The following VWF variants were observed in gnomAD, a reference collection of about 807,000 sequenced individuals.
The protein encoded by VWF is von Willebrand factor.
A neutral mutation model predicts 308.6 loss-of-function variants in VWF; 176 were observed. That is an observed-to-expected ratio of 0.57 (90% confidence interval 0.50 to 0.65). The LOEUF (loss-of-function observed/expected upper bound fraction) is 0.65, where lower values mean the gene tolerates loss of function less well. VWF is among the 30% of genes least tolerant of loss of function. VWF has a pLI of 0.00. For synonymous variants in VWF, 1,385 were observed against 1,443.4 expected (o/e 0.96, Z 0.92); for missense variants, 3,146 against 3,648.2 (o/e 0.86, Z 3.55).
intron 5 of VWF, among the ~76,000 whole-genome samples, chr12:6,108,587 T>TA (rs1193581616): frequency 0.028 from 3,363 of 120,246 alleles, 65 homozygotes; most frequent in African/African-American, 0.061. Context: ...AGAACACTTG[T>TA]AAAAAAAAAA....
chr12:6,059,659 TC>T (rs1419397954), intron 13 of VWF, among the ~76,000 whole-genome samples: 1 of 152,082 alleles, frequency 6.6e-6, no homozygotes, highest in East Asian at 1.9e-4. Context: ...GGCACAAATC[TC>T]ATTCTTCATC....
intron 34 of VWF, among the ~76,000 whole-genome samples, chr12:5,999,397 C>T (rs753613091): frequency 2.6e-5 from 4 of 151,466 alleles, no homozygotes; most frequent in South Asian, 2.1e-4. Flanking sequence ...ATAAAGCAAA[C>T]GGGAAAGTCA....
intron 34 of VWF, among the ~76,000 whole-genome samples, chr12:6,006,576 G>T (rs544535114): frequency 6.6e-6 from 1 of 152,086 alleles, no homozygotes; most frequent in African/African-American, 2.4e-5. Context: ...TCAGGAGATC[G>T]AGACCATCCT....
In VWF at chr12:6,075,283, G is replaced by C; in HGVS notation, c.874+52C>G. ...GAAGCACCCTAAGGGACACCACCCA[G>C]GACAGACCGTTCATCCCCGGCAGGG... On this transcript the variant is annotated intron_variant, in intron 7 of 51. Coordinates refer to ENST00000261405, the MANE Select transcript of VWF (RefSeq NM_000552.5). The surrounding 1 kb of genome is among the most constrained non-coding windows in gnomAD (Gnocchi z 4.7). 6.2e-7 allele frequency: 1 copy of C among 1,611,050 alleles called. No homozygotes were observed. The highest frequency in any genetic ancestry group is 8.5e-7 in the Non-Finnish European group (1 of 1,178,366).
chr12:5,983,992 A>G (rs895206043), intron 40 of VWF, among the ~76,000 whole-genome samples: 2 of 112,518 alleles, frequency 1.8e-5, no homozygotes, highest in Admixed American at 1.8e-4. Flanking sequence ...AGATAGATAG[A>G]TAGATAGATA....
In VWF at chr12:5,959,047, C is replaced by T. The variant is rs560635792; in HGVS notation, c.7888-5453G>A. On this transcript the variant is annotated intron_variant, in intron 47 of 51. Coordinates refer to ENST00000261405, the MANE Select transcript of VWF (RefSeq NM_000552.5). ...CCTGGGCAACATAGCAAAACTCCAT[C>T]TCCACAAAAATTAGTTGGACATGGT... Among the ~76,000 whole-genome samples, 21 of 152,016 alleles carry T rather than the reference C, an allele frequency of 1.4e-4. No individual in the cohort carries two copies. The South Asian group carries it at 2.5e-3, about 18-fold the overall frequency.
At chr12:6,005,712 A>G (rs1043297627) in intron 34 of VWF, among the ~76,000 whole-genome samples, 4 of 152,216 alleles carry the variant, frequency 2.6e-5, no homozygotes, top group Non-Finnish European at 5.9e-5. Flanking sequence ...AGGGAGATGG[A>G]TGATCTATTC....
At position 5,996,217 on chromosome 12, in the gene VWF, A is replaced by C. The variant is rs1306586341; in HGVS notation, c.5848T>G (p.Cys1950Gly). 4 of 1,611,324 alleles carry C rather than the reference A, an allele frequency of 2.5e-6. No homozygotes were observed. ...ATGTGCCGAGTGGAGCTGCCTGTGC[A>C]CACGCCTGGACAGAGAGAAGCAGAG... Reference protein sequence around the residue: ...CGCRWTCPCVCTGSSTRHIVT... With the variant: ...CGCRWTCPCVGTGSSTRHIVT... The change falls in exon 35 of 52, where the codon TGC becomes GGC. Residue 1950 changes from cysteine (C) to glycine (G), a missense_variant. Transcript: ENST00000261405.
intron 17 of VWF, among the ~76,000 whole-genome samples, chr12:6,045,660 C>T (rs1187763454): frequency 6.6e-6 from 1 of 152,172 alleles, no homozygotes; most frequent in Non-Finnish European, 1.5e-5. Context: ...AGGAGCCAGA[C>T]CTGTCACGCA....
At chr12:6,105,095 G>A (rs1312812848) in intron 5 of VWF, among the ~76,000 whole-genome samples, 1 of 152,206 alleles carries the variant, frequency 6.6e-6, no homozygotes, top group East Asian at 1.9e-4. Context: ...ACTCAGAAAG[G>A]TGAGAGAGAG....
At chr12:6,091,735 A>G (rs924718589) in intron 6 of VWF, among the ~76,000 whole-genome samples, 1 of 152,088 alleles carries the variant, frequency 6.6e-6, no homozygotes, top group Non-Finnish European at 1.5e-5. Context: ...ACTTAAAGAA[A>G]CCTTAAGAAC....
At chr12:5,987,562 G>A (rs560273156) in intron 38 of VWF, among the ~76,000 whole-genome samples, 8 of 152,296 alleles carry the variant, frequency 5.3e-5, no homozygotes, top group Non-Finnish European at 7.3e-5. Context: ...GCCCTCGAAT[G>A]GCTGACAGTC....
chr12:5,996,032 G>C lies in VWF; in HGVS notation c.6033C>G (p.Ala2011=), dbSNP rs1943804328. 2.5e-6 allele frequency: 4 copies of C among 1,613,300 alleles called. No homozygotes were observed. The East Asian group carries it at 8.9e-5, about 36-fold the overall frequency. Residue 2011 remains alanine (A), a synonymous_variant, in exon 35 of 52, where the codon GCC becomes GCG. Coordinates refer to ENST00000261405, the MANE Select transcript of VWF (RefSeq NM_000552.5). ...CMKSIEVKHS[A]LSVELHSDME... ...TGTCACTGTGCAGCTCGACGGAGAGGGCACTGTGCTTCACCTCGATGGATT... is the reference window on the plus strand; with the variant it reads ...TGTCACTGTGCAGCTCGACGGAGAGCGCACTGTGCTTCACCTCGATGGATT...
At chr12:5,969,782 GA>G (rs1943449386) in intron 44 of VWF, among the ~76,000 whole-genome samples, 1 of 152,220 alleles carries the variant, frequency 6.6e-6, no homozygotes. Context: ...ATGGTAAGGG[GA>G]GACAGGGAGC....
In VWF at chr12:6,020,857, C is replaced by T. The variant is rs1377330413; in HGVS notation, c.3674+1043G>A. 6.6e-6 allele frequency among the ~76,000 whole-genome samples: 1 copy of T among 152,234 alleles called. No individual in the cohort carries two copies. The highest frequency in any genetic ancestry group is 1.5e-5 in the Non-Finnish European group (1 of 68,044). ...GCTTCAGCGTGCACCGTGGCAGCTG[C>T]CCCTGCCCGTGTGCCAGCAAAGGAG... On this transcript the variant is annotated intron_variant, in intron 27 of 51. Transcript: ENST00000261405. This position sits in a 1 kb window ranked among gnomAD's most constrained non-coding sequence, Gnocchi z 4.3.
intron 16 of VWF, among the ~76,000 whole-genome samples, chr12:6,048,964 C>G (rs1343898424): frequency 6.6e-6 from 1 of 152,092 alleles, no homozygotes; most frequent in African/African-American, 2.4e-5. Context: ...TGGACATGAC[C>G]CAAAAGCTTA....
At chr12:6,089,727 CTA>C (rs937525817) in intron 6 of VWF, among the ~76,000 whole-genome samples, 2 of 152,098 alleles carry the variant, frequency 1.3e-5, no homozygotes, top group African/African-American at 2.4e-5. Context: ...CTGCACTGGG[CTA>C]TGTTTGCAAA....
Position 6,046,572 on chromosome 12 carries a change from C to G in VWF, c.2281+151G>C. 1.3e-6 allele frequency: 1 copy of G among 747,338 alleles called. No individual in the cohort carries two copies. Among genetic ancestry groups the G allele is most frequent in the Non-Finnish European group, 2.3e-6 (1 of 436,504 alleles). The allele number at this position is 747,338 out of a possible 1,614,324, so 46.3% of individuals were successfully genotyped here. Reference sequence around the variant, plus strand: ...TGGCCTGAAAGTCACTCACACAAACCCAGAAATGAAGGCGATCCTGGGCGA... The same window carrying G: ...TGGCCTGAAAGTCACTCACACAAACGCAGAAATGAAGGCGATCCTGGGCGA... On this transcript the variant is annotated intron_variant, in intron 17 of 51. Transcript: ENST00000261405. This position sits in a 1 kb window ranked among gnomAD's most constrained non-coding sequence, Gnocchi z 5.0.
In VWF at chr12:5,981,398, A is replaced by G. The variant is rs116731219; in HGVS notation, c.7287+388T>C. On this transcript the variant is annotated intron_variant, in intron 42 of 51. Transcript: ENST00000261405. ...TATAACTATTAACTGATCTCTAAAT[A>G]ATCCATGCAATCATGTTATTTCCTT... Among the ~76,000 whole-genome samples, 1,311 of 152,320 alleles carry G rather than the reference A, an allele frequency of 8.6e-3. 22 individuals are homozygous for G. Among genetic ancestry groups the G allele is most frequent in the African/African-American group, 0.029 (1,189 of 41,548 alleles).
Sources: allele counts gnomAD v4.1 joint callset (sites outside exome capture counted in the v4.1 genomes callset), GRCh38; gene constraint gnomAD v4.1.1; non-coding constraint Gnocchi (gnomAD v3.1); transcripts MANE v1.5; gene names NCBI Gene and HGNC (gene_info 2026-07-23, HGNC 2026-07-21).